HK1: variants seen among roughly 807,000 people sequenced by gnomAD.
HK1 encodes the protein hexokinase-1.
A neutral mutation model predicts 91.6 loss-of-function variants in HK1; 28 were observed. The observed-to-expected ratio is 0.31, with a 90% confidence interval of 0.23 to 0.42. The LOEUF (loss-of-function observed/expected upper bound fraction) is 0.42. Among genes scored for constraint, HK1 ranks in the 10% least tolerant of loss-of-function variants. The pLI, the probability that HK1 is intolerant of heterozygous loss-of-function variation, is 1.00. For synonymous variants in HK1, 430 were observed against 468.1 expected, an observed-to-expected ratio of 0.92 and a Z score of 1.05; for missense variants, 770 against 1,219.8, an observed-to-expected ratio of 0.63 and a Z score of 5.49.
intron 1 of HK1, among the ~76,000 whole-genome samples, chr10:69,322,646 T>C (rs1383152780): frequency 6.6e-6 from 1 of 152,220 alleles, no homozygotes; most frequent in Admixed American, 6.5e-5. Flanking sequence ...ATCTCAGCAC[T>C]TTGGGAGGCT....
At chr10:69,345,742 T>A (rs990195042) in intron 2 of HK1, among the ~76,000 whole-genome samples, 3 of 152,266 alleles carry the variant, frequency 2.0e-5, no homozygotes, top group Non-Finnish European at 2.9e-5. Flanking sequence ...CCCAGGGACC[T>A]ATGTCAGCAG....
At chr10:69,345,931 A>AC (rs541973832) in intron 2 of HK1, among the ~76,000 whole-genome samples, 2 of 151,354 alleles carry the variant, frequency 1.3e-5, no homozygotes, top group Non-Finnish European at 2.9e-5. Context: ...TAGAAACGGC[A>AC]CCCCCCCATT....
chr10:69,401,115 C>G lies in HK1; in HGVS notation c.2734C>G (p.Arg912Gly), dbSNP rs761964067. Residue 912 changes from arginine (R) to glycine (G), a missense_variant, in exon 18 of 18, where the codon CGC (arginine) becomes GGC (glycine). By Grantham distance (125) the Arg-to-Gly change is moderately radical. Coordinates refer to ENST00000359426, the MANE Select transcript of HK1 (RefSeq NM_000188.3). ...CATCACGGCCGTGGGCGTGCGGTTA[C>G]GCACAGAGGCAAGCAGCTAAGAGTC... The part of the protein sequence containing the change: ...ALITAVGVRL[R>G]TEASS 1 of 1,614,008 alleles carries G rather than the reference C, an allele frequency of 6.2e-7. No homozygotes were observed. The highest frequency in any genetic ancestry group is 1.3e-5 in the African/African-American group (1 of 75,076).
intron 5 of HK1, among the ~76,000 whole-genome samples, chr10:69,303,141 AC>A (rs201801025): frequency 0.022 from 3,307 of 151,928 alleles, 44 homozygotes; most frequent in Middle Eastern, 0.054. Flanking sequence ...TTGGATAAAC[AC>A]ATTGGAATTT....
intron 1 of HK1, among the ~76,000 whole-genome samples, chr10:69,322,452 A>G (rs903891142): frequency 6.6e-6 from 1 of 152,202 alleles, no homozygotes; most frequent in Non-Finnish European, 1.5e-5. Flanking sequence ...AGAGAGTGTG[A>G]TTTGTCCAAT....
rs549457075 is a variant in HK1 at position 69,324,871 on chromosome 10, C to G, written c.63+5861C>G. ...ATCTTTTGCAACCACTTAATATACA[C>G]TGGGTTGTGTTCATTGTATTTGATC... On this transcript the variant is annotated intron_variant, in intron 1 of 17. Coordinates refer to ENST00000359426, the MANE Select transcript of HK1 (RefSeq NM_000188.3). Among the ~76,000 whole-genome samples, 12 of 152,188 alleles carry G rather than the reference C, an allele frequency of 7.9e-5. No homozygotes were observed. In the East Asian group the frequency reaches 2.3e-3, roughly 29 times the overall value.
intron 4 of HK1, among the ~76,000 whole-genome samples, chr10:69,367,687 T>A (rs1849778182): frequency 6.6e-6 from 1 of 151,802 alleles, no homozygotes; most frequent in Non-Finnish European, 1.5e-5. Context: ...CAGAATGCTA[T>A]CCCTGAGCTA....
chr10:69,368,537 C>G lies in HK1; in HGVS notation c.497C>G (p.Ala166Gly), dbSNP rs1849824599. 1 of 1,613,704 alleles carries G rather than the reference C, an allele frequency of 6.2e-7. No homozygotes were observed. Among genetic ancestry groups the G allele is most frequent in the African/African-American group, 1.3e-5 (1 of 74,938 alleles). Residue 166 changes from alanine (A) to glycine (G), a missense_variant and splice_region_variant, in exon 5 of 18, where the codon GCC becomes GGC. Transcript: ENST00000359426. ...FPCQQSKIDEAILITWTKRFK... is the reference protein window; with the variant it reads ...FPCQQSKIDEGILITWTKRFK... ...AGCCCCATCCATTCTTCTTTGCAGG[C>G]CATCCTGATCACCTGGACAAAGCGA... is the stretch of plus-strand genomic sequence containing the variant.
intron 2 of HK1, among the ~76,000 whole-genome samples, chr10:69,345,465 G>A (rs934354998): frequency 6.6e-6 from 1 of 152,184 alleles, no homozygotes; most frequent in African/African-American, 2.4e-5. Context: ...ACAGCCAGGA[G>A]CACTGGAACC....
Position 69,368,422 on chromosome 10 carries a change from G to A in HK1, c.496-114G>A. On this transcript the variant is annotated intron_variant, in intron 4 of 17. Transcript: ENST00000359426. ...CCAAGCCCAGTGTGATCTGGGAGGAGCCACTTGGCCCCTATGGGCTTCTGC... is the reference window on the plus strand; with the variant it reads ...CCAAGCCCAGTGTGATCTGGGAGGAACCACTTGGCCCCTATGGGCTTCTGC... 5.9e-6 allele frequency: 5 copies of A among 854,264 alleles called. No homozygotes were observed. The South Asian group carries it at 6.9e-5, about 12-fold the overall frequency. 52.9% of individuals were successfully genotyped at this position (854,264 alleles called of 1,614,324 possible). A position where few individuals can be genotyped will look rare whatever the true frequency, so the allele number is the denominator to read the frequency against.
intron 1 of HK1, among the ~76,000 whole-genome samples, chr10:69,328,367 C>T (rs1325395028): frequency 1.3e-5 from 2 of 152,340 alleles, no homozygotes; most frequent in African/African-American, 4.8e-5. Context: ...AGGGGGCATT[C>T]AGTGCCTACT....
rs143225814 is a variant in HK1 at position 69,334,162 on chromosome 10, A to C, written c.64-9665A>C. 3.8e-3 allele frequency among the ~76,000 whole-genome samples: 582 copies of C among 152,256 alleles called. 5 individuals are homozygous for C. Among genetic ancestry groups the C allele is most frequent in the African/African-American group, 0.013 (549 of 41,542 alleles). ...TTTTCCTCATGATTTGTTGTGCGTA[A>C]ACAGAGTTCATTGAAACAGAACCAA... On this transcript the variant is annotated intron_variant, in intron 1 of 17. Coordinates refer to ENST00000359426, the MANE Select transcript of HK1 (RefSeq NM_000188.3).
chr10:69,324,546 T>G (rs1259591931), intron 1 of HK1, among the ~76,000 whole-genome samples: 1 of 151,730 alleles, frequency 6.6e-6, no homozygotes, highest in Non-Finnish European at 1.5e-5. Flanking sequence ...GAGCTGACAC[T>G]CCAGTCTGGG....
chr10:69,355,673 T>TACA, intron 2 of HK1, among the ~76,000 whole-genome samples: 1 of 152,278 alleles, frequency 6.6e-6, no homozygotes, highest in East Asian at 1.9e-4. Flanking sequence ...ACGCCTGTAA[T>TACA]CCTAGCTACT....
intron 3 of HK1, among the ~76,000 whole-genome samples, chr10:69,294,211 A>G (rs1564759810): frequency 1.3e-5 from 2 of 152,142 alleles, no homozygotes; most frequent in Admixed American, 6.5e-5. Flanking sequence ...CTATTGTCCT[A>G]TGAGCCCAAG....
intron 15 of HK1, among the ~76,000 whole-genome samples, chr10:69,394,486 C>G (rs1355880063): frequency 1.3e-5 from 2 of 152,146 alleles, no homozygotes; most frequent in Non-Finnish European, 2.9e-5. Flanking sequence ...GTGCTGTGCC[C>G]TGGGGACTCA....
At chr10:69,293,477 T>C (rs1845389483) in intron 3 of HK1, among the ~76,000 whole-genome samples, 1 of 152,236 alleles carries the variant, frequency 6.6e-6, no homozygotes, top group African/African-American at 2.4e-5. Context: ...CCTCCAACCT[T>C]GAAACCCTTC....
chr10:69,336,637 CTTTT>C (rs56893382), intron 1 of HK1, among the ~76,000 whole-genome samples: 1 of 114,172 alleles, frequency 8.8e-6, no homozygotes, highest in Non-Finnish European at 1.8e-5. Flanking sequence ...TGGTAGATGC[CTTTT>C]TTTTTTTTTT....
chr10:69,317,635 T>C (rs1041182704), upstream of HK1, among the ~76,000 whole-genome samples: 22 of 152,124 alleles, frequency 1.4e-4, no homozygotes, highest in African/African-American at 5.3e-4. Context: ...TCTATACAAC[T>C]GGGACCACAG....
Sources: gnomAD v4.1 joint callset for allele counts (sites outside exome capture counted in the v4.1 genomes callset) on GRCh38, gnomAD v4.1.1 for gene constraint, MANE v1.5 for transcripts, NCBI Gene and HGNC (gene_info 2026-07-23, HGNC 2026-07-21) for gene names.